Variants in CA10 observed in about 807,000 individuals in gnomAD.
CA10 encodes carbonic anhydrase-related protein 10.
A neutral mutation model predicts 44.2 loss-of-function variants in CA10; 14 were observed. The observed-to-expected ratio is 0.32, with a 90% CI of 0.21 to 0.50. The LOEUF is 0.50. Among genes scored for constraint, CA10 ranks in the 20% least tolerant of loss-of-function variants. The pLI is 0.99. For missense variants in CA10, 350 were observed against 409.7 expected (o/e 0.85, Z 1.26); for synonymous variants, 159 against 141.6 (o/e 1.12, Z -0.87).
At chr17:51,854,698 G>T (rs1311614627) in intron 3 of CA10, among the ~76,000 whole-genome samples, 5 of 151,206 alleles carry the variant, frequency 3.3e-5, no homozygotes, top group African/African-American at 1.2e-4. Context: ...TATGGTACAA[G>T]GCACTCTAAA....
intron 2 of CA10, among the ~76,000 whole-genome samples, chr17:52,034,482 A>G (rs1405692735): frequency 6.6e-6 from 1 of 152,202 alleles, no homozygotes; most frequent in Non-Finnish European, 1.5e-5. Context: ...CTGTGATTGT[A>G]TCTTTATTTC....
At chr17:51,788,950 C>T (rs746116833) in intron 3 of CA10, among the ~76,000 whole-genome samples, 1 of 152,294 alleles carries the variant, frequency 6.6e-6, no homozygotes, top group East Asian at 1.9e-4. Flanking sequence ...TTCTTCCTTT[C>T]CTCTAACATT....
intron 4 of CA10, among the ~76,000 whole-genome samples, chr17:51,659,730 C>T (rs74577390): frequency 2.6e-5 from 4 of 152,208 alleles, no homozygotes; most frequent in African/African-American, 9.6e-5. Flanking sequence ...TTGAAAACTT[C>T]TATGAGTTAG....
chr17:52,090,525 A>G (rs561661355), intron 1 of CA10, among the ~76,000 whole-genome samples: 1 of 152,292 alleles, frequency 6.6e-6, no homozygotes, highest in African/African-American at 2.4e-5. Context: ...CTATTTAACA[A>G]TTACTAAGAA....
Position 51,631,543 on chromosome 17 carries a change from G to A in CA10, c.*41C>T. On this transcript the variant is annotated 3_prime_UTR_variant, in exon 9 of 9. Transcript: ENST00000451037. ...TTCTAGGTTACGTCAATTCACAGTTGTAGCATTTCACTGAGGTGGGATTCT... is the reference window on the plus strand; with the variant it reads ...TTCTAGGTTACGTCAATTCACAGTTATAGCATTTCACTGAGGTGGGATTCT... 5.1e-6 allele frequency: 8 copies of A among 1,573,752 alleles called. No individual in the cohort carries two copies. The highest frequency in any genetic ancestry group is 7.0e-6 in the Non-Finnish European group (8 of 1,143,588).
At chr17:51,709,806 T>C (rs1915875281) in intron 4 of CA10, among the ~76,000 whole-genome samples, 1 of 152,158 alleles carries the variant, frequency 6.6e-6, no homozygotes, top group Non-Finnish European at 1.5e-5. Context: ...GGTGAGCATG[T>C]CACAGATCTA....
intron 3 of CA10, among the ~76,000 whole-genome samples, chr17:51,872,154 A>G: frequency 6.6e-6 from 1 of 152,180 alleles, no homozygotes; most frequent in East Asian, 1.9e-4. Flanking sequence ...TCTATGGAGA[A>G]TTTCTGCAGT....
chr17:52,101,320 CTCTGT>C (rs1481626707), intron 1 of CA10, among the ~76,000 whole-genome samples: 1 of 152,198 alleles, frequency 6.6e-6, no homozygotes, highest in African/African-American at 2.4e-5. Context: ...GAAGCACCAT[CTCTGT>C]TAAGACACTT....
intron 2 of CA10, among the ~76,000 whole-genome samples, chr17:52,031,037 C>T (rs773371578): frequency 6.6e-6 from 1 of 152,094 alleles, no homozygotes; most frequent in East Asian, 1.9e-4. Context: ...TCTCATTTAT[C>T]CATACATATT....
At position 51,892,873 on chromosome 17, in the gene CA10, T is replaced by C. The variant is rs181297057; in HGVS notation, c.279+38117A>G. Among the ~76,000 whole-genome samples, 28 of 152,270 alleles carry C rather than the reference T, an allele frequency of 1.8e-4. No individual in the cohort carries two copies. The East Asian group carries it at 4.4e-3, about 24-fold the overall frequency. ...ACTAGAGGCTTCATTATGAATAACATTGAACAACTGGAACAACGCTAGCAG... is the reference window on the plus strand; with the variant it reads ...ACTAGAGGCTTCATTATGAATAACACTGAACAACTGGAACAACGCTAGCAG... On this transcript the variant is annotated intron_variant, in intron 3 of 8. Coordinates refer to ENST00000451037, the MANE Select transcript of CA10 (RefSeq NM_020178.5).
At chr17:52,121,834 C>T (rs1347083206) in intron 1 of CA10, among the ~76,000 whole-genome samples, 1 of 152,198 alleles carries the variant, frequency 6.6e-6, no homozygotes. Flanking sequence ...CACACCTGTG[C>T]TGCCTTCTCA....
chr17:52,032,377 CTG>C (rs751186157), intron 2 of CA10, among the ~76,000 whole-genome samples: 4 of 152,098 alleles, frequency 2.6e-5, no homozygotes, highest in Non-Finnish European at 5.9e-5. Flanking sequence ...TTCTGAATAA[CTG>C]TAATCCATAA....
At chr17:51,705,058 G>A (rs887981914) in intron 4 of CA10, among the ~76,000 whole-genome samples, 3 of 151,258 alleles carry the variant, frequency 2.0e-5, no homozygotes, top group South Asian at 2.1e-4. Flanking sequence ...ATTCCTCTTC[G>A]GCTAAAGATC....
At chr17:51,795,146 A>T (rs909799408) in intron 3 of CA10, among the ~76,000 whole-genome samples, 1 of 152,206 alleles carries the variant, frequency 6.6e-6, no homozygotes, top group African/African-American at 2.4e-5. Flanking sequence ...CCCGGCCCAG[A>T]GTCTGACATA....
At chr17:51,967,714 A>G (rs1984132580) in intron 2 of CA10, among the ~76,000 whole-genome samples, 1 of 151,728 alleles carries the variant, frequency 6.6e-6, no homozygotes. Context: ...AAGGGGACAA[A>G]GAGTTGAAAA....
chr17:52,053,001 G>A (rs764382842), intron 2 of CA10, among the ~76,000 whole-genome samples: 20 of 151,742 alleles, frequency 1.3e-4, no homozygotes, highest in Admixed American at 3.3e-4. Flanking sequence ...TGTGCCTGGG[G>A]CCAGAGAGAA....
chr17:51,656,790 GA>G (rs1464428728), intron 4 of CA10, among the ~76,000 whole-genome samples: 4 of 152,146 alleles, frequency 2.6e-5, no homozygotes, highest in Non-Finnish European at 5.9e-5. Context: ...TAGTGATTTG[GA>G]TGCACGCTAA....
At chr17:51,673,936 TAA>T (rs1177756265) in intron 4 of CA10, among the ~76,000 whole-genome samples, 1 of 149,658 alleles carries the variant, frequency 6.7e-6, no homozygotes, top group Non-Finnish European at 1.5e-5. Flanking sequence ...TCTGTATCTG[TAA>T]ACACACCTTC....
intron 3 of CA10, among the ~76,000 whole-genome samples, chr17:51,841,355 G>T (rs1377538913): frequency 6.6e-6 from 1 of 152,070 alleles, no homozygotes; most frequent in African/African-American, 2.4e-5. Flanking sequence ...CACTAGTATT[G>T]TCTCTAACTC....
Sources: allele counts gnomAD v4.1 joint callset (sites outside exome capture counted in the v4.1 genomes callset), GRCh38; gene constraint gnomAD v4.1.1; transcripts MANE v1.5; gene names NCBI Gene and HGNC (gene_info 2026-07-23, HGNC 2026-07-21).